ABCA5: variants seen among roughly 807,000 people sequenced by gnomAD.
The protein encoded by ABCA5 is cholesterol transporter ABCA5.
Under a neutral mutation model 206.0 loss-of-function variants are expected in ABCA5, and 163 were observed. That is an observed-to-expected ratio of 0.79 (90% confidence interval 0.70 to 0.90). The LOEUF is 0.90. ABCA5 is among the 40% of genes least tolerant of loss of function. The pLI, the probability that ABCA5 is intolerant of heterozygous loss-of-function variation, is 0.00. For missense variants in ABCA5, 1,859 were observed against 1,912.9 expected (o/e 0.97, Z 0.53); for synonymous variants, 609 against 613.8 (o/e 0.99, Z 0.11).
At chr17:69,301,971 C>T (rs1462200430) in intron 8 of ABCA5, among the ~76,000 whole-genome samples, 1 of 152,158 alleles carries the variant, frequency 6.6e-6, no homozygotes, top group Non-Finnish European at 1.5e-5. Context: ...AGAACGCGGA[C>T]TCGGGGACTC....
At chr17:69,301,345 A>G in intron 8 of ABCA5, 59 bp from the exon 9 acceptor site, 1 of 1,459,078 alleles carries the variant, frequency 6.9e-7, no homozygotes, top group Non-Finnish European at 9.3e-7. Context: ...GCAAAAGCTA[A>G]CACTACTTAA....
At chr17:69,254,596 G>C in intron 31 of ABCA5, 106 bp from the exon 32 acceptor site, 1 of 772,548 alleles carries the variant, frequency 1.3e-6, no homozygotes, top group Admixed American at 3.0e-5. Context: ...CTAATATCAA[G>C]TCAGATTTGT....
intron 12 of ABCA5, 65 bp from the exon 13 acceptor site, chr17:69,290,102 C>A (rs905435495): frequency 1.7e-6 from 2 of 1,149,436 alleles, no homozygotes; most frequent in African/African-American, 3.2e-5. Context: ...TTTCAAGTAT[C>A]CTGATAACTT....
At position 69,313,124 on chromosome 17, in the gene ABCA5, A is replaced by G; in HGVS notation, c.275T>C (p.Met92Thr). 1.2e-6 allele frequency: 2 copies of G among 1,611,408 alleles called. No homozygotes were observed. Among genetic ancestry groups the G allele is most frequent in the Non-Finnish European group, 1.7e-6 (2 of 1,178,512 alleles). Residue 92 changes from methionine to threonine, a missense_variant, in exon 3 of 39, where the codon ATG (methionine) becomes ACG (threonine). Transcript: ENST00000392676. ...TPVTNITSSI[M>T]QKVSTDHLPD... ...TAGATGATCAGTAGACACTTTCTGC[A>G]TGATGCTGCTTGTAATATTAGTCAC... is the stretch of plus-strand genomic sequence containing the variant.
At chr17:69,307,262 T>C (rs2075727839) in intron 5 of ABCA5, among the ~76,000 whole-genome samples, 1 of 152,112 alleles carries the variant, frequency 6.6e-6, no homozygotes, top group Non-Finnish European at 1.5e-5. Context: ...GACAATTATA[T>C]GTATCTTAGT....
chr17:69,314,141 T>G (rs2075794652), intron 2 of ABCA5, among the ~76,000 whole-genome samples, 173 bp downstream of exon 2: 1 of 152,174 alleles, frequency 6.6e-6, no homozygotes, highest in South Asian at 2.1e-4. Context: ...TTAGAAAGCA[T>G]TAAGTAATTC....
rs978688436 is a variant in ABCA5, at chr17:69,326,046, A to G, written c.-16+1006T>C. 7.2e-5 allele frequency among the ~76,000 whole-genome samples: 11 copies of G among 152,188 alleles called. No homozygotes were observed. Among genetic ancestry groups the G allele is most frequent in the African/African-American group, 2.4e-4 (10 of 41,444 alleles). On this transcript the variant is annotated intron_variant, in intron 1 of 38. Coordinates refer to ENST00000392676, the MANE Select transcript of ABCA5 (RefSeq NM_172232.4). The surrounding 1 kb of genome is among the most constrained non-coding windows in gnomAD (Gnocchi z 4.8). Reference sequence around the variant, plus strand: ...GAGTCTTCCCTAAAACACATACAATATTGCTCTCCCGGCAAACACAAAATA... The same window carrying G: ...GAGTCTTCCCTAAAACACATACAATGTTGCTCTCCCGGCAAACACAAAATA...
intron 20 of ABCA5, among the ~76,000 whole-genome samples, chr17:69,273,602 C>T (rs1034410466): frequency 5.9e-5 from 9 of 151,822 alleles, no homozygotes; most frequent in Non-Finnish European, 4.4e-5. Flanking sequence ...ACTACAGGCG[C>T]GTGCCACCAT....
At chr17:69,278,838 C>T (rs972811937) in intron 18 of ABCA5, among the ~76,000 whole-genome samples, 2 of 151,836 alleles carry the variant, frequency 1.3e-5, no homozygotes, top group Non-Finnish European at 1.5e-5. Flanking sequence ...TTCAACAACC[C>T]TTCATGCTAA....
intron 4 of ABCA5, among the ~76,000 whole-genome samples, chr17:69,308,972 G>T (rs2075744784): frequency 6.6e-6 from 1 of 151,966 alleles, no homozygotes; most frequent in South Asian, 2.1e-4. Context: ...ATGAAAAAAA[G>T]AGATTTAGAA....
chr17:69,308,437 T>C, intron 4 of ABCA5, 69 bp from the exon 5 acceptor site: 1 of 1,000,140 alleles, frequency 1.0e-6, no homozygotes, highest in Non-Finnish European at 1.6e-6. Context: ...AAAGATATTA[T>C]ATGGAGAGAT....
chr17:69,314,287 A>C, intron 2 of ABCA5, 27 bp downstream of exon 2: 1 of 1,472,214 alleles, frequency 6.8e-7, no homozygotes, highest in Non-Finnish European at 9.4e-7. Flanking sequence ...ACTGCAAAAA[A>C]GCATAAGAAA....
At chr17:69,296,203 A>G (rs868834514) in intron 10 of ABCA5, among the ~76,000 whole-genome samples, 8 of 152,114 alleles carry the variant, frequency 5.3e-5, no homozygotes, top group South Asian at 2.1e-4. Context: ...TATTTTTTTC[A>G]TATTTTTTTA....
intron 26 of ABCA5, 40 bp downstream of exon 26, chr17:69,261,085 T>C: frequency 6.8e-7 from 1 of 1,465,854 alleles, no homozygotes; most frequent in South Asian, 1.3e-5. Flanking sequence ...CCATATTTAT[T>C]TTATGTTTTT....
intron 19 of ABCA5, among the ~76,000 whole-genome samples, chr17:69,276,095 G>A (rs1439823355): frequency 7.3e-6 from 1 of 137,200 alleles, no homozygotes; most frequent in South Asian, 2.8e-4. Flanking sequence ...TTTTGGGGGG[G>A]CGGGGGGGCA....
intron 23 of ABCA5, among the ~76,000 whole-genome samples, chr17:69,266,300 G>T (rs2075206834): frequency 1.3e-5 from 2 of 152,226 alleles, no homozygotes; most frequent in Admixed American, 1.3e-4. Flanking sequence ...TTTGGTGACA[G>T]AAATGTTCTG....
intron 18 of ABCA5, among the ~76,000 whole-genome samples, chr17:69,282,546 G>A (rs180709055): frequency 5.1e-4 from 78 of 152,158 alleles, no homozygotes; most frequent in Non-Finnish European, 9.3e-4. Flanking sequence ...CAAGGCGGGC[G>A]GATCACCTGA....
chr17:69,253,693 G>T, intron 33 of ABCA5, 26 bp from the exon 34 acceptor site: 1 of 1,599,856 alleles, frequency 6.3e-7, no homozygotes, highest in Non-Finnish European at 8.6e-7. Context: ...AAGATGGGTG[G>T]GAAATTAACA....
At chr17:69,250,388 G>T in intron 36 of ABCA5, 84 bp downstream of exon 36, 4 of 1,243,698 alleles carry the variant, frequency 3.2e-6, no homozygotes, top group Non-Finnish European at 4.4e-6. Context: ...ATGAAAAGAT[G>T]ATTTTTCACT....
Sources: gnomAD v4.1 joint callset for allele counts (sites outside exome capture counted in the v4.1 genomes callset) on GRCh38, gnomAD v4.1.1 for gene constraint, Gnocchi (gnomAD v3.1) non-coding constraint, MANE v1.5 for transcripts, NCBI Gene and HGNC (gene_info 2026-07-23, HGNC 2026-07-21) for gene names.